The following PCDHGA11 variants were observed in gnomAD, a reference collection of about 807,000 sequenced individuals.
PCDHGA11 encodes protocadherin gamma-A11.
PCDHGA11 carries 39 observed loss-of-function variants against 60.4 expected under a neutral mutation model. The ratio of observed to expected loss-of-function variants is 0.65; its 90% CI spans 0.50 to 0.84. PCDHGA11 has a LOEUF of 0.84. Among genes scored for constraint, PCDHGA11 ranks in the 40% least tolerant of loss-of-function variants. The pLI, the probability that PCDHGA11 is intolerant of heterozygous loss-of-function variation, is 0.00. For missense variants in PCDHGA11, 1,165 were observed against 1,197.7 expected, an observed-to-expected ratio of 0.97 and a Z score of 0.40; for synonymous variants, 533 against 510.3, an observed-to-expected ratio of 1.04 and a Z score of -0.60.
At position 141,487,855 on chromosome 5, in the gene PCDHGA11, A is replaced by T; in HGVS notation, c.2434-6952A>T. 1 of 974,210 alleles carries T rather than the reference A, an allele frequency of 1.0e-6. No homozygotes were observed. 60.3% of individuals were successfully genotyped at this position (974,210 alleles called of 1,614,324 possible). A position where few individuals can be genotyped will look rare whatever the true frequency, so the allele number is the denominator to read the frequency against. On this transcript the variant is annotated intron_variant, in intron 1 of 3. Coordinates refer to ENST00000398587, the MANE Select transcript of PCDHGA11 (RefSeq NM_018914.3). This position sits in a 1 kb window ranked among gnomAD's most constrained non-coding sequence, Gnocchi z 5.0. Reference sequence around the variant, plus strand: ...TATATCTGAGTAAGAAATGAAAGTAATTGGTGATCAAGAGCCAGGCTGTTG... The same window carrying T: ...TATATCTGAGTAAGAAATGAAAGTATTTGGTGATCAAGAGCCAGGCTGTTG...
rs2099405848 is a variant in PCDHGA11 at position 141,477,120 on chromosome 5, A to G, written c.2434-17687A>G. 2 of 1,614,118 alleles carry G rather than the reference A, an allele frequency of 1.2e-6. No homozygotes were observed. Among genetic ancestry groups the G allele is most frequent in the African/African-American group, 2.7e-5 (2 of 74,942 alleles). On this transcript the variant is annotated intron_variant, in intron 1 of 3. Transcript: ENST00000398587. This position sits in a 1 kb window ranked among gnomAD's most constrained non-coding sequence, Gnocchi z 4.9. ...AAGGGCGCCAATCCCGAAGGAGCAC[A>G]TTGCAAAGTGTTGGTGGAGGTTGTG...
At chr5:141,433,877 A>G (rs1481965040) in intron 1 of PCDHGA11, among the ~76,000 whole-genome samples, 5 of 151,470 alleles carry the variant, frequency 3.3e-5, no homozygotes, top group Admixed American at 6.6e-5. Context: ...AGTTTCATCC[A>G]TTGATGACAC....
At chr5:141,467,178 A>C (rs1344437465) in intron 1 of PCDHGA11, among the ~76,000 whole-genome samples, 1 of 151,604 alleles carries the variant, frequency 6.6e-6, no homozygotes, top group Non-Finnish European at 1.5e-5. Flanking sequence ...TCAGCCTCCC[A>C]AGTAGCTGGG....
rs1307889557 is a variant in PCDHGA11, at chr5:141,486,267, C to G, written c.2434-8540C>G. On this transcript the variant is annotated intron_variant, in intron 1 of 3. Transcript: ENST00000398587. The surrounding 1 kb of genome is among the most constrained non-coding windows in gnomAD (Gnocchi z 5.0). ...GGAACCCTCCCCGAGAGTGCAGAAC[C>G]TGGCACTGTGGTGGCACTTATCAGT... 1 of 1,614,128 alleles carries G rather than the reference C, an allele frequency of 6.2e-7. No homozygotes were observed. Among genetic ancestry groups the G allele is most frequent in the South Asian group, 1.1e-5 (1 of 91,072 alleles).
In PCDHGA11 at chr5:141,432,612, C is replaced by T. The variant is rs752901891; in HGVS notation, c.2433+8952C>T. 1.9e-6 allele frequency: 3 copies of T among 1,613,912 alleles called. No individual in the cohort carries two copies. The highest frequency in any genetic ancestry group is 2.5e-6 in the Non-Finnish European group (3 of 1,179,970). On this transcript the variant is annotated intron_variant, in intron 1 of 3. Transcript: ENST00000398587. The surrounding 1 kb of genome is among the most constrained non-coding windows in gnomAD (Gnocchi z 6.0). ...AAGGCCAGCGAGCCGGGACTCTTCT[C>T]GGTGGGTCTGCACACGGGCGAGGTG...
At position 141,489,590 on chromosome 5, in the gene PCDHGA11, T is replaced by C; in HGVS notation, c.2434-5217T>C. The C allele has an allele frequency of 6.2e-7, 1 of 1,614,044 alleles. No homozygotes were observed. Among genetic ancestry groups the C allele is most frequent in the Non-Finnish European group, 8.5e-7 (1 of 1,179,984 alleles). ...GTGACTGAACACCCCCTGGAGCTAA[T>C]CCGTGTAGAGGTAGAGATCCTGGAT... On this transcript the variant is annotated intron_variant, in intron 1 of 3. Transcript: ENST00000398587. The surrounding 1 kb of genome is among the most constrained non-coding windows in gnomAD (Gnocchi z 4.5).
At chr5:141,448,220 G>A (rs750470070) in intron 1 of PCDHGA11, among the ~76,000 whole-genome samples, 9 of 152,148 alleles carry the variant, frequency 5.9e-5, no homozygotes, top group Non-Finnish European at 1.0e-4. Flanking sequence ...GTATGCGAAT[G>A]TATGTGTGGG....
Position 141,491,897 on chromosome 5 carries a change from C to G in PCDHGA11, c.2434-2910C>G. The stretch of plus-strand genomic sequence containing the variant: ...GATTAAGGGATGGGGCTCCGAGCAC[C>G]GGGGGTGGTGGCGACTGTGGGCGAG... On this transcript the variant is annotated intron_variant, in intron 1 of 3. Transcript: ENST00000398587. This position sits in a 1 kb window ranked among gnomAD's most constrained non-coding sequence, Gnocchi z 6.9. 7 of 1,432,534 alleles carry G rather than the reference C, an allele frequency of 4.9e-6. No homozygotes were observed. The highest frequency in any genetic ancestry group is 6.5e-6 in the Non-Finnish European group (7 of 1,082,898). 88.7% of individuals were successfully genotyped at this position (1,432,534 alleles called of 1,614,324 possible).
intron 1 of PCDHGA11, among the ~76,000 whole-genome samples, chr5:141,468,759 G>A (rs1202810666): frequency 3.9e-5 from 6 of 151,990 alleles, no homozygotes; most frequent in Admixed American, 2.0e-4. Context: ...CCAGCTACTC[G>A]GGAGGCTGAG....
intron 1 of PCDHGA11, among the ~76,000 whole-genome samples, chr5:141,447,353 G>C (rs559895274): frequency 6.6e-6 from 1 of 152,032 alleles, no homozygotes; most frequent in Admixed American, 6.6e-5. Context: ...TGGTCAGGCT[G>C]GTCTCAAACT....
chr5:141,485,625 G>A lies in PCDHGA11; in HGVS notation c.2434-9182G>A, dbSNP rs1458191111. On this transcript the variant is annotated intron_variant, in intron 1 of 3. Coordinates refer to ENST00000398587, the MANE Select transcript of PCDHGA11 (RefSeq NM_018914.3). This position sits in a 1 kb window ranked among gnomAD's most constrained non-coding sequence, Gnocchi z 5.7. ...GGGGAGGCAGCTCCTCCAGGACAGC[G>A]TTTCCCGTTGGAAAAGGCTCAGGAT... is the stretch of plus-strand genomic sequence containing the variant. The A allele has an allele frequency of 1.2e-6, 2 of 1,611,968 alleles. No homozygotes were observed. The highest frequency in any genetic ancestry group is 3.3e-5 in the Admixed American group (2 of 59,916).
chr5:141,491,168 A>G lies in PCDHGA11; in HGVS notation c.2434-3639A>G. On this transcript the variant is annotated intron_variant, in intron 1 of 3. Coordinates refer to ENST00000398587, the MANE Select transcript of PCDHGA11 (RefSeq NM_018914.3). The surrounding 1 kb of genome is among the most constrained non-coding windows in gnomAD (Gnocchi z 6.9). Reference sequence around the variant, plus strand: ...CTGGAGGATGACTCTGACACCCAGCAGGTGGTGGTCCTGGTGAGGGACAAT... The same window carrying G: ...CTGGAGGATGACTCTGACACCCAGCGGGTGGTGGTCCTGGTGAGGGACAAT... 2 of 1,614,160 alleles carry G rather than the reference A, an allele frequency of 1.2e-6. No homozygotes were observed.
intron 2 of PCDHGA11, among the ~76,000 whole-genome samples, chr5:141,498,945 G>C (rs1421135706): frequency 8.0e-6 from 1 of 125,434 alleles, no homozygotes; most frequent in Non-Finnish European, 1.6e-5. Context: ...AAGAAAGAAA[G>C]AAAAAGAGAG....
chr5:141,432,610 C>T lies in PCDHGA11; in HGVS notation c.2433+8950C>T, dbSNP rs1481968343. 9.3e-6 allele frequency: 15 copies of T among 1,613,954 alleles called. No homozygotes were observed. Among genetic ancestry groups the T allele is most frequent in the Non-Finnish European group, 1.3e-5 (15 of 1,179,978 alleles). On this transcript the variant is annotated intron_variant, in intron 1 of 3. Transcript: ENST00000398587. This position sits in a 1 kb window ranked among gnomAD's most constrained non-coding sequence, Gnocchi z 6.0. The stretch of plus-strand genomic sequence containing the variant: ...TCAAGGCCAGCGAGCCGGGACTCTT[C>T]TCGGTGGGTCTGCACACGGGCGAGG...
rs117623972 is a variant in PCDHGA11 at position 141,503,322 on chromosome 5, C to T, written c.2493-2071C>T. On this transcript the variant is annotated intron_variant, in intron 2 of 3. Transcript: ENST00000398587. Reference sequence around the variant, plus strand: ...GCTCAAGAAAGAATTGTTGGAGGGGCGCGGTGGCTCACGCCTGTAATTCCA... The same window carrying T: ...GCTCAAGAAAGAATTGTTGGAGGGGTGCGGTGGCTCACGCCTGTAATTCCA... Among the ~76,000 whole-genome samples, 216 of 152,126 alleles carry T rather than the reference C, an allele frequency of 1.4e-3. 8 individuals carry two copies. In the East Asian group the frequency reaches 0.038, roughly 27 times the overall value.
At chr5:141,447,209 G>A (rs1004956165) in intron 1 of PCDHGA11, among the ~76,000 whole-genome samples, 3 of 151,850 alleles carry the variant, frequency 2.0e-5, no homozygotes, top group East Asian at 3.9e-4. Context: ...GCTTGATCTC[G>A]GCTCACTGCA....
rs757157488 is a variant in PCDHGA11 at position 141,477,668 on chromosome 5, A to G, written c.2434-17139A>G. ...TTTCACAATAAATCGTGACAATGGC[A>G]TAGTGTCATCCTTAGTGCCCCTAGA... On this transcript the variant is annotated intron_variant, in intron 1 of 3. Coordinates refer to ENST00000398587, the MANE Select transcript of PCDHGA11 (RefSeq NM_018914.3). The surrounding 1 kb of genome is among the most constrained non-coding windows in gnomAD (Gnocchi z 4.9). 10 of 1,614,104 alleles carry G rather than the reference A, an allele frequency of 6.2e-6. No individual in the cohort carries two copies. Among genetic ancestry groups the G allele is most frequent in the Non-Finnish European group, 8.5e-6 (10 of 1,180,046 alleles).
intron 1 of PCDHGA11, among the ~76,000 whole-genome samples, chr5:141,443,369 C>T (rs1403494558): frequency 6.6e-6 from 1 of 151,848 alleles, no homozygotes; most frequent in African/African-American, 2.4e-5. Context: ...CCTGTGGTCT[C>T]AGCTACTTGG....
At chr5:141,437,903 A>G (rs1591482477) in intron 1 of PCDHGA11, among the ~76,000 whole-genome samples, 1 of 152,064 alleles carries the variant, frequency 6.6e-6, no homozygotes, top group East Asian at 1.9e-4. Context: ...ACACCCAGCT[A>G]ATTTTTGTAT....
Sources: allele counts gnomAD v4.1 joint callset (sites outside exome capture counted in the v4.1 genomes callset), GRCh38; gene constraint gnomAD v4.1.1; non-coding constraint Gnocchi (gnomAD v3.1); transcripts MANE v1.5; gene names NCBI Gene and HGNC (gene_info 2026-07-23, HGNC 2026-07-21).